PARD3: variants seen among roughly 807,000 people sequenced by gnomAD.
The protein encoded by PARD3 is par-3 family cell polarity regulator, also known as partitioning defective 3 homolog.
In PARD3, 75 loss-of-function variants were observed where a neutral mutation model predicts 155.4. The ratio of observed to expected loss-of-function variants is 0.48; its 90% confidence interval spans 0.40 to 0.58. The LOEUF is 0.58. Among genes scored for constraint, PARD3 ranks in the 20% least tolerant of loss-of-function variants. The pLI, the probability that PARD3 is intolerant of heterozygous loss-of-function variation, is 0.00. For missense variants in PARD3, 1,642 were observed against 1,721.7 expected (o/e 0.95, Z 0.82); for synonymous variants, 576 against 610.5 (o/e 0.94, Z 0.83).
At chr10:34,690,476 C>T (rs1163257702) in intron 2 of PARD3, among the ~76,000 whole-genome samples, 4 of 152,108 alleles carry the variant, frequency 2.6e-5, no homozygotes, top group Non-Finnish European at 5.9e-5. Flanking sequence ...CAAATGGAAA[C>T]AGTAATTGGT....
intron 12 of PARD3, among the ~76,000 whole-genome samples, chr10:34,368,540 C>T (rs535878837): frequency 2.0e-5 from 3 of 151,968 alleles, no homozygotes; most frequent in Non-Finnish European, 2.9e-5. Context: ...GGCATGGTGG[C>T]GGGCACCTGT....
intron 1 of PARD3, among the ~76,000 whole-genome samples, chr10:34,812,716 G>GAGC (rs1429740465): frequency 6.6e-6 from 1 of 152,092 alleles, no homozygotes; most frequent in Admixed American, 6.5e-5. Context: ...TGTACTTAAA[G>GAGC]AGCATGTAAG....
At position 34,321,961 on chromosome 10, in the gene PARD3, T is replaced by TC. The variant is rs77525508; in HGVS notation, c.2834-4624dup. Among the ~76,000 whole-genome samples the TC allele has an allele frequency of 3.5e-3, 530 of 150,344 alleles. 8 individuals are homozygous for TC. The East Asian group carries it at 0.063, about 18-fold the overall frequency. The stretch of plus-strand genomic sequence containing the variant: ...AGCCTCAAGGTCATTAGAGTCTATT[T>TC]CCCCCCCCCATTGAGAAGTGATGCT... On this transcript the variant is annotated intron_variant, in intron 19 of 24. Coordinates refer to ENST00000374788, the MANE Select transcript of PARD3 (RefSeq NM_001184785.2).
At chr10:34,358,870 T>C (rs959388453) in intron 14 of PARD3, among the ~76,000 whole-genome samples, 8 of 152,212 alleles carry the variant, frequency 5.3e-5, no homozygotes, top group African/African-American at 1.9e-4. Context: ...GTGACCCTGA[T>C]TTCAAGAAAA....
chr10:34,513,303 A>G (rs2081509138), intron 3 of PARD3, among the ~76,000 whole-genome samples: 1 of 152,166 alleles, frequency 6.6e-6, no homozygotes. Flanking sequence ...GTTTGGAGCC[A>G]GAGTCTCATT....
intron 12 of PARD3, among the ~76,000 whole-genome samples, chr10:34,363,082 C>T (rs574431932): frequency 1.8e-4 from 27 of 152,324 alleles, no homozygotes; most frequent in Non-Finnish European, 3.5e-4. Context: ...CTTGCTTCAA[C>T]TCTGGAAGGT....
chr10:34,251,418 C>T (rs1463230698), intron 22 of PARD3, among the ~76,000 whole-genome samples: 1 of 152,174 alleles, frequency 6.6e-6, no homozygotes, highest in Admixed American at 6.5e-5. Flanking sequence ...AGGCAGTGTT[C>T]AAAGTGCCTT....
chr10:34,571,476 T>C (rs1199447682), intron 2 of PARD3, among the ~76,000 whole-genome samples: 6 of 152,222 alleles, frequency 3.9e-5, no homozygotes, highest in Admixed American at 3.9e-4. Context: ...CTGTTACATA[T>C]ATCACTCATT....
intron 1 of PARD3, among the ~76,000 whole-genome samples, chr10:34,716,345 T>C (rs2094519116): frequency 6.6e-6 from 1 of 152,208 alleles, no homozygotes; most frequent in Non-Finnish European, 1.5e-5. Context: ...TTAAAGTTTC[T>C]GATAAAATCC....
At chr10:34,384,460 A>T (rs1842148304) in intron 7 of PARD3, among the ~76,000 whole-genome samples, 1 of 152,236 alleles carries the variant, frequency 6.6e-6, no homozygotes, top group Non-Finnish European at 1.5e-5. Flanking sequence ...AAATGTAAAA[A>T]ATCAGTTTCT....
chr10:34,252,475 C>A (rs898114798), intron 22 of PARD3, among the ~76,000 whole-genome samples: 1 of 152,086 alleles, frequency 6.6e-6, no homozygotes, highest in African/African-American at 2.4e-5. Flanking sequence ...CAAGCGCTGG[C>A]AGAGTCCAGA....
intron 1 of PARD3, among the ~76,000 whole-genome samples, chr10:34,706,232 G>C (rs1315152084): frequency 1.3e-5 from 2 of 152,188 alleles, no homozygotes; most frequent in Non-Finnish European, 2.9e-5. Context: ...TTTCAGAGGA[G>C]AGAACTGAGA....
At chr10:34,628,546 G>T (rs1045301963) in intron 2 of PARD3, among the ~76,000 whole-genome samples, 2 of 152,228 alleles carry the variant, frequency 1.3e-5, no homozygotes, top group African/African-American at 4.8e-5. Context: ...GTACAGAAAC[G>T]AGTGGGTGTG....
intron 5 of PARD3, among the ~76,000 whole-genome samples, chr10:34,412,732 A>G (rs1181482120): frequency 1.3e-5 from 2 of 152,216 alleles, no homozygotes; most frequent in African/African-American, 4.8e-5. Context: ...CCCTTGCGAT[A>G]TAATTAAATC....
chr10:34,129,332 T>C (rs1401567409), intron 23 of PARD3, among the ~76,000 whole-genome samples: 1 of 152,038 alleles, frequency 6.6e-6, no homozygotes, highest in East Asian at 1.9e-4. Flanking sequence ...TTTGTATTTT[T>C]AGTAGAGATG....
intron 5 of PARD3, among the ~76,000 whole-genome samples, chr10:34,409,156 G>C (rs1023996107): frequency 1.1e-4 from 17 of 152,114 alleles, no homozygotes; most frequent in Non-Finnish European, 1.5e-5. Context: ...GAAATGAAAT[G>C]CCTCCCGTCT....
chr10:34,751,216 TAA>T (rs35709541), intron 1 of PARD3, among the ~76,000 whole-genome samples: 91 of 150,302 alleles, frequency 6.1e-4, no homozygotes, highest in East Asian at 3.5e-3. Flanking sequence ...TTAAATGTAA[TAA>T]AAAAAAAAAT....
At position 34,352,649 on chromosome 10, in the gene PARD3, C is replaced by G. The variant is rs150011802; in HGVS notation, c.2068-4534G>C. Among the ~76,000 whole-genome samples, 1,378 of 152,340 alleles carry G rather than the reference C, an allele frequency of 9.0e-3. 20 individuals carry two copies. The highest frequency in any genetic ancestry group is 0.031 in the African/African-American group (1,309 of 41,582). On this transcript the variant is annotated intron_variant, in intron 14 of 24. Transcript: ENST00000374788. ...GACGGAGTCTCGCTCACTCAGTGCT[C>G]AATCTTGCCCAGGCTGGAGTGCAGT...
chr10:34,742,453 C>T (rs1590908928), intron 1 of PARD3, among the ~76,000 whole-genome samples: 2 of 152,324 alleles, frequency 1.3e-5, no homozygotes, highest in East Asian at 3.9e-4. Context: ...GCTGGATGGC[C>T]TCTACACAAC....
Sources: gnomAD v4.1 joint callset for allele counts (sites outside exome capture counted in the v4.1 genomes callset) on GRCh38, gnomAD v4.1.1 for gene constraint, MANE v1.5 for transcripts, NCBI Gene and HGNC (gene_info 2026-07-23, HGNC 2026-07-21) for gene names.